Variants in SERGEF observed in about 807,000 individuals in gnomAD.
SERGEF encodes the protein secretion-regulating guanine nucleotide exchange factor.
In SERGEF, 51 loss-of-function variants were observed where a neutral mutation model predicts 50.0. The ratio of observed to expected loss-of-function variants is 1.02; its 90% CI spans 0.81 to 1.29. The LOEUF (loss-of-function observed/expected upper bound fraction) is 1.29, where lower values mean the gene tolerates loss of function less well. SERGEF is among the 50% of genes most tolerant of loss of function. The pLI is 0.00. For missense variants in SERGEF, 521 were observed against 557.0 expected (o/e 0.94, Z 0.65); for synonymous variants, 205 against 212.4 (o/e 0.97, Z 0.30).
intron 9 of SERGEF, among the ~76,000 whole-genome samples, chr11:17,919,785 C>A (rs192585475): frequency 1.8e-4 from 28 of 152,194 alleles, no homozygotes; most frequent in Admixed American, 1.4e-3. Context: ...ATGGCTAAGT[C>A]CCTCACCAAC....
intron 10 of SERGEF, among the ~76,000 whole-genome samples, chr11:17,803,005 A>G (rs914837583): frequency 7.9e-5 from 12 of 152,270 alleles, no homozygotes; most frequent in African/African-American, 2.9e-4. Context: ...TGCTCAATAA[A>G]TATTTGTTTT....
intron 9 of SERGEF, among the ~76,000 whole-genome samples, chr11:17,899,778 C>CA (rs1368217407): frequency 4.1e-4 from 61 of 150,066 alleles, no homozygotes; most frequent in Admixed American, 4.1e-3. Context: ...CATACTGAGA[C>CA]CCCCCATCTC....
chr11:17,804,637 C>T (rs913867026), intron 10 of SERGEF, among the ~76,000 whole-genome samples: 1 of 152,224 alleles, frequency 6.6e-6, no homozygotes, highest in Non-Finnish European at 1.5e-5. Flanking sequence ...GTTTTCCCTA[C>T]TTTACTGGAT....
At chr11:17,924,136 T>A (rs1247283197) in intron 9 of SERGEF, among the ~76,000 whole-genome samples, 2 of 152,188 alleles carry the variant, frequency 1.3e-5, no homozygotes. Flanking sequence ...GGTTAGCTAG[T>A]GAATGAATTT....
chr11:18,008,570 C>A (rs979069401), intron 1 of SERGEF, among the ~76,000 whole-genome samples: 5 of 152,162 alleles, frequency 3.3e-5, no homozygotes, highest in South Asian at 4.1e-4. Flanking sequence ...CCTAGCCCAA[C>A]CCTCTGGAGG....
At position 17,888,628 on chromosome 11, in the gene SERGEF, TACACACACACACAC is replaced by T. The variant is rs58279017; in HGVS notation, c.1012-10398_1012-10385del. Among the ~76,000 whole-genome samples, 28,987 of 143,718 alleles carry T rather than the reference TACACACACACACAC, an allele frequency of 0.2. 3,367 individuals are homozygous for T. The highest frequency in any genetic ancestry group is 0.32 in the African/African-American group (12,490 of 38,454). The allele number at this position is 143,718 out of a possible 152,430, so 94.3% of individuals were successfully genotyped here. Reference sequence around the variant, plus strand: ...AGTTATCAGTATGAACTCACAGTTTTACACACACACACACACACACACACACACACACACACACA... The same window carrying T: ...AGTTATCAGTATGAACTCACAGTTTTACACACACACACACACACACACACA... On this transcript the variant is annotated intron_variant, in intron 9 of 10. Coordinates refer to ENST00000265965, the MANE Select transcript of SERGEF (RefSeq NM_012139.4). The surrounding 1 kb of genome is among the most constrained non-coding windows in gnomAD (Gnocchi z 4.1).
chr11:17,873,603 G>GA (rs567371740), intron 10 of SERGEF, among the ~76,000 whole-genome samples: 15 of 150,344 alleles, frequency 1.0e-4, no homozygotes, highest in Admixed American at 4.0e-4. Flanking sequence ...TCTGTGAAAT[G>GA]AAAAAAAAAT....
intron 10 of SERGEF, among the ~76,000 whole-genome samples, chr11:17,849,432 C>G (rs560961910): frequency 2.6e-5 from 4 of 152,280 alleles, no homozygotes; most frequent in African/African-American, 9.6e-5. Flanking sequence ...TTTACCTATA[C>G]AATAAAAGCT....
chr11:17,829,237 C>T (rs368696190), intron 10 of SERGEF, among the ~76,000 whole-genome samples: 38 of 152,294 alleles, frequency 2.5e-4, no homozygotes, highest in Middle Eastern at 6.8e-3. Context: ...ATCAATAAAT[C>T]GGACAAACCA....
At chr11:17,874,839 C>CAG (rs1555005776) in intron 10 of SERGEF, among the ~76,000 whole-genome samples, 1 of 152,028 alleles carries the variant, frequency 6.6e-6, no homozygotes, top group Non-Finnish European at 1.5e-5. Context: ...CCCTGATATC[C>CAG]AGGCTGGGAA....
At chr11:17,918,651 CAT>C (rs1390276315) in intron 9 of SERGEF, 103 of 392,338 alleles carry the variant, frequency 2.6e-4, no homozygotes, top group African/African-American at 1.7e-3. Context: ...CACACACACA[CAT>C]ACACACACAC....
chr11:17,993,117 C>T (rs894273931), intron 6 of SERGEF, 124 bp from the exon 7 acceptor site: 126 of 699,334 alleles, frequency 1.8e-4, no homozygotes, highest in Middle Eastern at 9.8e-4. Flanking sequence ...AGGCCTGAGT[C>T]AGCAGCACTG....
chr11:17,982,907 C>A (rs1052975761), intron 8 of SERGEF, among the ~76,000 whole-genome samples: 3 of 152,186 alleles, frequency 2.0e-5, no homozygotes, highest in African/African-American at 7.2e-5. Flanking sequence ...GAAAATTTCA[C>A]TGGAAAGTAG....
chr11:17,873,373 T>C (rs889028447), intron 10 of SERGEF, among the ~76,000 whole-genome samples: 1 of 152,196 alleles, frequency 6.6e-6, no homozygotes, highest in Non-Finnish European at 1.5e-5. Flanking sequence ...TATCTCATTG[T>C]GCACAGAAAC....
At chr11:17,997,974 T>A (rs768277615) in intron 5 of SERGEF, among the ~76,000 whole-genome samples, 3 of 152,134 alleles carry the variant, frequency 2.0e-5, no homozygotes, top group Admixed American at 1.3e-4. Flanking sequence ...TGCATAATGA[T>A]ATGAATGTAC....
At chr11:17,946,909 G>A (rs1372188760) in intron 9 of SERGEF, among the ~76,000 whole-genome samples, 1 of 152,186 alleles carries the variant, frequency 6.6e-6, no homozygotes, top group Non-Finnish European at 1.5e-5. Context: ...CTGCTTCAGA[G>A]TAGATGGAGA....
intron 8 of SERGEF, among the ~76,000 whole-genome samples, chr11:17,977,927 T>C (rs1853412608): frequency 6.6e-6 from 1 of 152,198 alleles, no homozygotes; most frequent in Non-Finnish European, 1.5e-5. Context: ...AGCCACCCAG[T>C]CTATATCACT....
intron 9 of SERGEF, among the ~76,000 whole-genome samples, chr11:17,911,963 G>A (rs1385911032): frequency 6.6e-6 from 1 of 152,180 alleles, no homozygotes; most frequent in East Asian, 1.9e-4. Flanking sequence ...TTTAGCTTTG[G>A]ATATGATGAG....
At chr11:18,002,212 A>G (rs1299200232) in intron 4 of SERGEF, among the ~76,000 whole-genome samples, 7 of 152,068 alleles carry the variant, frequency 4.6e-5, no homozygotes, top group Non-Finnish European at 8.8e-5. Context: ...CTTTAACACC[A>G]CTCACCTCCA....
Sources: allele counts gnomAD v4.1 joint callset (sites outside exome capture counted in the v4.1 genomes callset), GRCh38; gene constraint gnomAD v4.1.1; non-coding constraint Gnocchi (gnomAD v3.1); transcripts MANE v1.5; gene names NCBI Gene and HGNC (gene_info 2026-07-23, HGNC 2026-07-21).